Variants in DPYD observed in about 807,000 individuals in gnomAD.
The protein encoded by DPYD is dihydropyrimidine dehydrogenase, also known as dihydropyrimidine dehydrogenase [NADP(+)].
Under a neutral mutation model 116.2 loss-of-function variants are expected in DPYD, and 109 were observed. The observed-to-expected ratio is 0.94, with a 90% CI of 0.80 to 1.10. The LOEUF (loss-of-function observed/expected upper bound fraction) is 1.10, where lower values mean the gene tolerates loss of function less well. Ranked by LOEUF, DPYD falls within the 50% of genes least tolerant of loss-of-function variation. DPYD has a pLI of 0.00. For synonymous variants in DPYD, 440 were observed against 432.0 expected (o/e 1.02, Z -0.23); for missense variants, 1,302 against 1,254.5 (o/e 1.04, Z -0.57).
intron 16 of DPYD, among the ~76,000 whole-genome samples, chr1:97,347,025 T>A (rs959893461): frequency 2.2e-4 from 30 of 135,758 alleles, no homozygotes; most frequent in African/African-American, 8.7e-4. Flanking sequence ...CTTTTGGATA[T>A]TTTTTATAGA....
chr1:97,697,893 T>C (rs1661393367), intron 6 of DPYD, among the ~76,000 whole-genome samples: 1 of 152,044 alleles, frequency 6.6e-6, no homozygotes. Context: ...AGATTTTTCC[T>C]AGTTTACCAG....
chr1:97,645,243 T>C (rs1658187070), intron 8 of DPYD, among the ~76,000 whole-genome samples: 1 of 152,126 alleles, frequency 6.6e-6, no homozygotes, highest in Admixed American at 6.6e-5. Flanking sequence ...TTGATGGTTT[T>C]ATATAATAAT....
chr1:97,894,798 C>T (rs904336207), intron 1 of DPYD, among the ~76,000 whole-genome samples: 1 of 151,460 alleles, frequency 6.6e-6, no homozygotes, highest in Non-Finnish European at 1.5e-5. Flanking sequence ...CTATACTGTA[C>T]TTTATTTTAA....
At chr1:97,237,542 T>C (rs149675914) in intron 18 of DPYD, among the ~76,000 whole-genome samples, 1 of 152,308 alleles carries the variant, frequency 6.6e-6, no homozygotes, top group African/African-American at 2.4e-5. Flanking sequence ...TACTTCTATA[T>C]TATTTATCAG....
chr1:97,757,999 C>T (rs1286493361), intron 3 of DPYD, among the ~76,000 whole-genome samples: 1 of 152,096 alleles, frequency 6.6e-6, no homozygotes, highest in Non-Finnish European at 1.5e-5. Flanking sequence ...AAATGGAGCG[C>T]CTGCCCCTTT....
intron 12 of DPYD, among the ~76,000 whole-genome samples, chr1:97,542,008 TAAG>T (rs1194541013): frequency 1.3e-5 from 2 of 152,166 alleles, no homozygotes; most frequent in Non-Finnish European, 2.9e-5. Flanking sequence ...GAATGACACT[TAAG>T]AAGGGAATTT....
At chr1:97,081,525 T>C (rs1464192454) in intron 22 of DPYD, among the ~76,000 whole-genome samples, 1 of 152,058 alleles carries the variant, frequency 6.6e-6, no homozygotes, top group Non-Finnish European at 1.5e-5. Context: ...TTTCTAAAAT[T>C]CAACCAGTTA....
intron 14 of DPYD, among the ~76,000 whole-genome samples, chr1:97,412,687 T>C (rs1359475291): frequency 2.0e-5 from 3 of 152,222 alleles, no homozygotes; most frequent in African/African-American, 4.8e-5. Context: ...AAATGCATCC[T>C]GTTTTGAGAG....
chr1:97,422,153 G>A (rs993277541), intron 14 of DPYD, among the ~76,000 whole-genome samples: 2 of 152,080 alleles, frequency 1.3e-5, no homozygotes, highest in African/African-American at 4.8e-5. Context: ...ATCAGCATTG[G>A]TTTTGGGAAG....
intron 13 of DPYD, among the ~76,000 whole-genome samples, chr1:97,512,310 T>A (rs75021789): frequency 6.0e-4 from 91 of 152,022 alleles, no homozygotes; most frequent in Non-Finnish European, 1.0e-3. Context: ...CATGGATACT[T>A]ATTTACCTAA....
intron 1 of DPYD, among the ~76,000 whole-genome samples, chr1:97,918,048 C>T (rs1449539478): frequency 1.3e-5 from 2 of 152,198 alleles, no homozygotes; most frequent in Non-Finnish European, 2.9e-5. Flanking sequence ...GTATTAAAGT[C>T]ATCGTTGACA....
At chr1:97,244,590 A>G (rs1662587419) in intron 18 of DPYD, among the ~76,000 whole-genome samples, 1 of 152,046 alleles carries the variant, frequency 6.6e-6, no homozygotes, top group African/African-American at 2.4e-5. Flanking sequence ...GCCGTATCAT[A>G]TGTACTCTCT....
At chr1:97,308,454 T>C (rs952503372) in intron 16 of DPYD, 4 of 151,850 alleles carry the variant, frequency 2.6e-5, no homozygotes, top group African/African-American at 9.7e-5. Flanking sequence ...CTGAGAATTT[T>C]AAAAACAACT....
At chr1:97,157,652 A>C (rs1373521576) in intron 20 of DPYD, among the ~76,000 whole-genome samples, 1 of 152,142 alleles carries the variant, frequency 6.6e-6, no homozygotes, top group Non-Finnish European at 1.5e-5. Context: ...GGAGGCTTGA[A>C]ATTTCTCTAG....
chr1:97,178,876 G>T (rs1017652028), intron 20 of DPYD, among the ~76,000 whole-genome samples: 18 of 152,158 alleles, frequency 1.2e-4, no homozygotes, highest in African/African-American at 4.3e-4. Context: ...CTAATACGTG[G>T]TATCTGACCA....
chr1:97,353,957 T>C (rs1301378663), intron 16 of DPYD, among the ~76,000 whole-genome samples: 1 of 152,226 alleles, frequency 6.6e-6, no homozygotes, highest in African/African-American at 2.4e-5. Flanking sequence ...TGGCCGAGAT[T>C]TGGGTCCAGA....
Position 97,573,793 on chromosome 1 carries a change from T to G in DPYD, c.1306A>C (p.Ser436Arg). Residue 436 changes from serine to arginine, a missense_variant, in exon 11 of 23, where the codon AGT becomes CGT. By Grantham distance (110) the Ser-to-Arg change is moderately radical. Transcript: ENST00000370192. ...TCACTCAGAACTGAACCAAAGGCAC[T>G]GATGACCACATCGGCTTTCAGATGG... is the stretch of plus-strand genomic sequence containing the variant. Reference protein sequence around the residue: ...MVHLKADVVISAFGSVLSDPK... With the variant: ...MVHLKADVVIRAFGSVLSDPK... The G allele has an allele frequency of 6.2e-7, 1 of 1,613,682 alleles. No individual in the cohort carries two copies. The highest frequency in any genetic ancestry group is 2.2e-5 in the East Asian group (1 of 44,860).
intron 19 of DPYD, among the ~76,000 whole-genome samples, chr1:97,219,625 C>T (rs941724812): frequency 6.6e-6 from 1 of 151,826 alleles, no homozygotes; most frequent in African/African-American, 2.4e-5. Flanking sequence ...AAAAGTAGCC[C>T]TAGAAGAGAG....
At chr1:97,149,807 C>T (rs1654891880) in intron 20 of DPYD, among the ~76,000 whole-genome samples, 2 of 152,226 alleles carry the variant, frequency 1.3e-5, no homozygotes, top group Admixed American at 1.3e-4. Context: ...ATTCTGCTAA[C>T]CACCTCATAA....
Sources: gnomAD v4.1 joint callset for allele counts (sites outside exome capture counted in the v4.1 genomes callset) on GRCh38, gnomAD v4.1.1 for gene constraint, MANE v1.5 for transcripts, NCBI Gene and HGNC (gene_info 2026-07-23, HGNC 2026-07-21) for gene names.